TMEM63C: variants seen among roughly 807,000 people sequenced by gnomAD.
TMEM63C encodes the protein transmembrane protein 63C.
TMEM63C carries 32 observed loss-of-function variants against 99.2 expected under a neutral mutation model. That is an observed-to-expected ratio of 0.32 (90% CI 0.24 to 0.43). The LOEUF is 0.43. TMEM63C is among the 20% of genes least tolerant of loss of function. The pLI, the probability that TMEM63C is intolerant of heterozygous loss-of-function variation, is 1.00. For missense variants in TMEM63C, 826 were observed against 1,053.0 expected (o/e 0.78, Z 2.98); for synonymous variants, 376 against 397.9 (o/e 0.94, Z 0.66).
At chr14:77,245,860 C>T (rs1889261570) in intron 16 of TMEM63C, 80 bp from the exon 17 acceptor site, 1 of 1,035,394 alleles carries the variant, frequency 9.7e-7, no homozygotes, top group Non-Finnish European at 1.5e-6. Flanking sequence ...CAGTGTCTCT[C>T]TTCCTCTCTA....
At chr14:77,246,512 GTCTT>G in intron 17 of TMEM63C, 93 bp from the exon 18 acceptor site, 1 of 1,026,582 alleles carries the variant, frequency 9.7e-7, no homozygotes, top group South Asian at 1.4e-5. Context: ...TAAAGCAAGG[GTCTT>G]TCTTTGGAGA....
At chr14:77,182,945 G>A (rs963204148) in intron 1 of TMEM63C, among the ~76,000 whole-genome samples, 125 of 152,194 alleles carry the variant, frequency 8.2e-4, no homozygotes, top group African/African-American at 2.9e-3. Flanking sequence ...CTCAAGAAAG[G>A]GTCCATCTCT....
chr14:77,243,814 G>A lies in TMEM63C; in HGVS notation c.1342-535G>A, dbSNP rs979512433. On this transcript the variant is annotated intron_variant, in intron 15 of 23. Coordinates refer to ENST00000298351, the MANE Select transcript of TMEM63C (RefSeq NM_020431.4). ...TCAACACACACGCATGCACACACAC[G>A]CACACATGCACAGTCAACAGACGTG... is the stretch of plus-strand genomic sequence containing the variant. Among the ~76,000 whole-genome samples the A allele has an allele frequency of 6.6e-5, 10 of 151,772 alleles. No homozygotes were observed. In the South Asian group the frequency reaches 1.5e-3, roughly 22 times the overall value.
intron 1 of TMEM63C, among the ~76,000 whole-genome samples, chr14:77,191,461 A>C (rs561911280): frequency 4.7e-4 from 68 of 144,150 alleles, no homozygotes; most frequent in Non-Finnish European, 8.8e-4. Context: ...GCATATGTCT[A>C]TTAGGTACAA....
In TMEM63C at chr14:77,239,145, C is replaced by T. The variant is rs113055390; in HGVS notation, c.726-267C>T. Among the ~76,000 whole-genome samples, 5 of 152,354 alleles carry T rather than the reference C, an allele frequency of 3.3e-5. 1 individual carries two copies. Among genetic ancestry groups the T allele is most frequent in the African/African-American group, 7.2e-5 (3 of 41,580 alleles). On this transcript the variant is annotated intron_variant, in intron 10 of 23. Transcript: ENST00000298351. ...CTGTTCACTGAGCTAATTATCTCTTCGTGAACAGCTGTCTCCTGGGTTCCC... is the reference window on the plus strand; with the variant it reads ...CTGTTCACTGAGCTAATTATCTCTTTGTGAACAGCTGTCTCCTGGGTTCCC...
intron 1 of TMEM63C, among the ~76,000 whole-genome samples, chr14:77,183,475 G>A (rs1003502566): frequency 6.6e-6 from 1 of 152,180 alleles, no homozygotes; most frequent in African/African-American, 2.4e-5. Flanking sequence ...CCCCCACAGG[G>A]ATACACAATT....
chr14:77,200,943 A>G (rs937468618), intron 1 of TMEM63C: 1 of 150,596 alleles, frequency 6.6e-6, no homozygotes, highest in Non-Finnish European at 1.5e-5. Context: ...CTGGCAGGTA[A>G]TAAGTGCTCA....
chr14:77,226,435 G>T (rs915378359), intron 6 of TMEM63C, among the ~76,000 whole-genome samples: 2 of 152,212 alleles, frequency 1.3e-5, no homozygotes, highest in African/African-American at 2.4e-5. Flanking sequence ...CATGCGGTCT[G>T]GTTGGAGAAA....
intron 8 of TMEM63C, among the ~76,000 whole-genome samples, chr14:77,234,552 C>A (rs1258774488): frequency 1.3e-5 from 2 of 152,224 alleles, no homozygotes; most frequent in African/African-American, 2.4e-5. Context: ...GACCATGTAG[C>A]CTTGCCCTTC....
At chr14:77,246,169 T>C (rs1217450197) in intron 17 of TMEM63C, 143 bp downstream of exon 17, 15 of 711,608 alleles carry the variant, frequency 2.1e-5, no homozygotes, top group Non-Finnish European at 3.3e-5. Flanking sequence ...GGGTGTAGCA[T>C]GAGCCGGGCT....
chr14:77,246,588 C>G, intron 17 of TMEM63C, 21 bp from the exon 18 acceptor site: 1 of 1,609,330 alleles, frequency 6.2e-7, no homozygotes, highest in African/African-American at 1.3e-5. Flanking sequence ...ACTAACAGAC[C>G]TGCCTTGTTT....
chr14:77,231,682 C>G lies in TMEM63C; in HGVS notation c.445C>G (p.Pro149Ala), dbSNP rs1220304990. The change falls in exon 7 of 24, where the codon CCC becomes GCC. Residue 149 changes from proline to alanine, a missense_variant. Transcript: ENST00000298351. Reference sequence around the variant, plus strand: ...CATCTTTGTGCTCATCATCTGTATCCCCTCCCTGGGCATCATTTTGCCCAT... The same window carrying G: ...CATCTTTGTGCTCATCATCTGTATCGCCTCCCTGGGCATCATTTTGCCCAT... ...LIIFVLIICIPSLGIILPINY... is the reference protein window; with the variant it reads ...LIIFVLIICIASLGIILPINY... 8 of 1,551,550 alleles carry G rather than the reference C, an allele frequency of 5.2e-6. No homozygotes were observed. Among genetic ancestry groups the G allele is most frequent in the Non-Finnish European group, 7.0e-6 (8 of 1,147,014 alleles).
chr14:77,218,240 A>AGGGGGG lies in TMEM63C; in HGVS notation c.-13-560_-13-559insGGGGGG, dbSNP rs374116600. 5.8e-5 allele frequency among the ~76,000 whole-genome samples: 8 copies of AGGGGGG among 138,418 alleles called. 1 individual carries two copies. The highest frequency in any genetic ancestry group is 9.4e-5 in the Non-Finnish European group (6 of 64,066). 90.8% of individuals were successfully genotyped at this position (138,418 alleles called of 152,430 possible). On this transcript the variant is annotated intron_variant, in intron 2 of 23. Coordinates refer to ENST00000298351, the MANE Select transcript of TMEM63C (RefSeq NM_020431.4). Reference sequence around the variant, plus strand: ...TGTACCCACAGAAGTTAAAAAAAAAAGAGGGGGGTGTTTCTTGAGTCACTG... The same window carrying AGGGGGG: ...TGTACCCACAGAAGTTAAAAAAAAAAGGGGGGGAGGGGGGTGTTTCTTGAGTCACTG...
chr14:77,224,519 C>A (rs1221455731), intron 5 of TMEM63C, among the ~76,000 whole-genome samples: 2 of 152,114 alleles, frequency 1.3e-5, no homozygotes, highest in African/African-American at 4.8e-5. Flanking sequence ...ACCAGAGTAA[C>A]TTCACCAGCT....
intron 2 of TMEM63C, among the ~76,000 whole-genome samples, chr14:77,218,191 C>T (rs1888621025): frequency 1.4e-5 from 2 of 147,582 alleles, no homozygotes; most frequent in African/African-American, 5.0e-5. Flanking sequence ...ATCTCAGGTA[C>T]TCCATAAATA....
At chr14:77,189,425 T>A (rs897598086) in intron 1 of TMEM63C, among the ~76,000 whole-genome samples, 22 of 152,118 alleles carry the variant, frequency 1.4e-4, no homozygotes, top group Non-Finnish European at 2.9e-4. Context: ...GCTGAAAATT[T>A]AATTTTCGCA....
chr14:77,242,900 C>A lies in TMEM63C; in HGVS notation c.1188-3C>A. 1 of 1,614,038 alleles carries A rather than the reference C, an allele frequency of 6.2e-7. No individual in the cohort carries two copies. Among genetic ancestry groups the A allele is most frequent in the East Asian group, 2.2e-5 (1 of 44,884 alleles). ...TGTGCCTCCTTCTTCCATCCTTCCC[C>A]AGGAAACACCTGTCTGTCCGCCGCT... On this transcript the variant is annotated splice_polypyrimidine_tract_variant and splice_region_variant and intron_variant, in intron 14 of 23. Coordinates refer to ENST00000298351, the MANE Select transcript of TMEM63C (RefSeq NM_020431.4).
At chr14:77,202,616 G>T (rs1287145917) in intron 1 of TMEM63C, among the ~76,000 whole-genome samples, 3 of 152,040 alleles carry the variant, frequency 2.0e-5, no homozygotes, top group African/African-American at 7.3e-5. Context: ...GTCTTCTCAT[G>T]GCCTTCATCT....
intron 4 of TMEM63C, 34 bp downstream of exon 4, chr14:77,219,611 C>T (rs769175269): frequency 6.7e-5 from 108 of 1,609,732 alleles, no homozygotes; most frequent in Non-Finnish European, 8.6e-5. Context: ...AGCCGTTGCC[C>T]CCTTGGGGAA....
Sources: gnomAD v4.1 joint callset for allele counts (sites outside exome capture counted in the v4.1 genomes callset) on GRCh38, gnomAD v4.1.1 for gene constraint, MANE v1.5 for transcripts, NCBI Gene and HGNC (gene_info 2026-07-23, HGNC 2026-07-21) for gene names.